The following SEMA3C variants were observed in gnomAD, a reference collection of about 807,000 sequenced individuals.
SEMA3C encodes semaphorin-3C.
SEMA3C carries 47 observed loss-of-function variants against 89.4 expected under a neutral mutation model. That is an observed-to-expected ratio of 0.53 (90% CI 0.42 to 0.67). The LOEUF (loss-of-function observed/expected upper bound fraction) is 0.67. Among genes scored for constraint, SEMA3C ranks in the 30% least tolerant of loss-of-function variants. SEMA3C has a pLI of 0.00. For missense variants in SEMA3C, 839 were observed against 929.1 expected (o/e 0.90, Z 1.26); for synonymous variants, 310 against 320.2 (o/e 0.97, Z 0.34).
At chr7:80,849,397 G>T (rs1313160212) in intron 2 of SEMA3C, among the ~76,000 whole-genome samples, 1 of 150,954 alleles carries the variant, frequency 6.6e-6, no homozygotes, top group Admixed American at 6.6e-5. Flanking sequence ...TTCCTTAATT[G>T]TAAATCCTTA....
At chr7:80,888,197 G>A (rs1791527666) in intron 2 of SEMA3C, among the ~76,000 whole-genome samples, 1 of 151,700 alleles carries the variant, frequency 6.6e-6, no homozygotes, top group Admixed American at 6.6e-5. Context: ...AGGATCCCTT[G>A]AGCTCAGGAG....
chr7:80,745,282 G>A lies in SEMA3C; in HGVS notation c.1868C>T (p.Ala623Val). 1 of 1,613,634 alleles carries A rather than the reference G, an allele frequency of 6.2e-7. No individual in the cohort carries two copies. Among genetic ancestry groups the A allele is most frequent in the Non-Finnish European group, 8.5e-7 (1 of 1,179,896 alleles). Reference sequence around the variant, plus strand: ...GCGGATCAGGAGTCCCTGTGAAGTGGCTATTATTCGTTCATTCAGCTTAAC... The same window carrying A: ...GCGGATCAGGAGTCCCTGTGAAGTGACTATTATTCGTTCATTCAGCTTAAC... ...KEVKLNERII[A>V]TSQGLLIRSV... Residue 623 changes from alanine to valine, a missense_variant, in exon 18 of 18, where the codon GCC (alanine) becomes GTC (valine). Ala to Val is a moderately conservative substitution (Grantham distance 64). Coordinates refer to ENST00000265361, the MANE Select transcript of SEMA3C (RefSeq NM_006379.5).
intron 2 of SEMA3C, among the ~76,000 whole-genome samples, chr7:80,887,488 C>T (rs1025547481): frequency 2.0e-5 from 3 of 152,102 alleles, no homozygotes; most frequent in Admixed American, 6.6e-5. Flanking sequence ...ATTCAAATCC[C>T]TGACCCAAGA....
intron 2 of SEMA3C, among the ~76,000 whole-genome samples, chr7:80,872,581 A>G (rs1449812665): frequency 6.6e-6 from 1 of 151,964 alleles, no homozygotes; most frequent in Non-Finnish European, 1.5e-5. Context: ...AGGGGGGCGG[A>G]TCATGAGGTC....
intron 2 of SEMA3C, among the ~76,000 whole-genome samples, chr7:80,850,331 A>G (rs1790482422): frequency 6.6e-6 from 1 of 152,208 alleles, no homozygotes; most frequent in Admixed American, 6.5e-5. Flanking sequence ...AAATGTTAAC[A>G]GCAGTCTTAT....
intron 2 of SEMA3C, among the ~76,000 whole-genome samples, chr7:80,901,554 CTACAT>C (rs1392737906): frequency 6.6e-6 from 1 of 152,226 alleles, no homozygotes; most frequent in East Asian, 1.9e-4. Flanking sequence ...TAGAAGCACA[CTACAT>C]TTAATCACTT....
At chr7:80,811,197 G>A (rs1233030297) in intron 5 of SEMA3C, among the ~76,000 whole-genome samples, 5 of 152,028 alleles carry the variant, frequency 3.3e-5, no homozygotes, top group African/African-American at 1.2e-4. Flanking sequence ...TTTAAAATGT[G>A]TCATTTACTC....
At chr7:80,902,935 TAAG>T (rs1003641838) in intron 2 of SEMA3C, among the ~76,000 whole-genome samples, 1 of 152,186 alleles carries the variant, frequency 6.6e-6, no homozygotes, top group African/African-American at 2.4e-5. Flanking sequence ...GATTATGTGC[TAAG>T]AAGAACGGTA....
chr7:80,900,270 C>T (rs560076824), intron 2 of SEMA3C, among the ~76,000 whole-genome samples: 7 of 152,134 alleles, frequency 4.6e-5, no homozygotes, highest in African/African-American at 1.4e-4. Context: ...CCCGCCACCA[C>T]GCCTGGCTAA....
At chr7:80,898,929 T>C (rs1477203901) in intron 2 of SEMA3C, among the ~76,000 whole-genome samples, 1 of 152,152 alleles carries the variant, frequency 6.6e-6, no homozygotes, top group Non-Finnish European at 1.5e-5. Flanking sequence ...AGGTGATTTG[T>C]AGCTTCATAC....
At chr7:80,745,362 T>A (rs1787777270) in intron 17 of SEMA3C, 55 bp from the exon 18 acceptor site, 1 of 1,508,386 alleles carries the variant, frequency 6.6e-7, no homozygotes, top group Non-Finnish European at 9.1e-7. Flanking sequence ...TTCCTTAGAT[T>A]ATGACCAACA....
intron 5 of SEMA3C, among the ~76,000 whole-genome samples, chr7:80,813,222 A>G (rs563387456): frequency 1.6e-3 from 247 of 152,270 alleles, no homozygotes; most frequent in South Asian, 0.013. Context: ...GAATACATCT[A>G]TCTACATTCT....
intron 2 of SEMA3C, among the ~76,000 whole-genome samples, chr7:80,913,373 C>G (rs567000125): frequency 6.6e-6 from 1 of 152,188 alleles, no homozygotes; most frequent in African/African-American, 2.4e-5. Context: ...TGCACTCCAG[C>G]CTGGGAGGCA....
In SEMA3C at chr7:80,863,832, G is replaced by GAT. The variant is rs201166330; in HGVS notation, c.104-35089_104-35088dup. Among the ~76,000 whole-genome samples, 295 of 100,630 alleles carry GAT rather than the reference G, an allele frequency of 2.9e-3. 2 individuals are homozygous for GAT. In the East Asian group the frequency reaches 0.039, roughly 13 times the overall value. The allele number at this position is 100,630 out of a possible 152,430, so 66.0% of individuals were successfully genotyped here. On this transcript the variant is annotated intron_variant, in intron 2 of 17. Transcript: ENST00000265361. ...TGTGATACATATATATGTGATATGT[G>GAT]ATATATATATCACATATCACATACA...
At position 80,768,309 on chromosome 7, in the gene SEMA3C, C is replaced by G. The variant is rs562625021; in HGVS notation, c.1355-3066G>C. 3.9e-5 allele frequency among the ~76,000 whole-genome samples: 6 copies of G among 152,082 alleles called. No homozygotes were observed. In the East Asian group the frequency reaches 1.2e-3, roughly 30 times the overall value. ...TGGGCGGATCACGAGGTCAGGAGAT[C>G]GAGACCATCCTGGCTAACACAGTGA... is the stretch of plus-strand genomic sequence containing the variant. On this transcript the variant is annotated intron_variant, in intron 12 of 17. Coordinates refer to ENST00000265361, the MANE Select transcript of SEMA3C (RefSeq NM_006379.5).
chr7:80,808,761 A>G (rs928047279), intron 6 of SEMA3C, among the ~76,000 whole-genome samples: 6 of 152,118 alleles, frequency 3.9e-5, no homozygotes, highest in Admixed American at 2.0e-4. Flanking sequence ...AAAATCCAAC[A>G]TTTGTTACTT....
chr7:80,818,474 A>C, intron 4 of SEMA3C, 56 bp from the exon 5 acceptor site: 1 of 1,571,750 alleles, frequency 6.4e-7, no homozygotes, highest in East Asian at 2.3e-5. Flanking sequence ...TTGTTATTTC[A>C]GTTAGCTATG....
At chr7:80,789,097 T>A (rs1164870786) in intron 12 of SEMA3C, among the ~76,000 whole-genome samples, 2 of 152,158 alleles carry the variant, frequency 1.3e-5, no homozygotes, top group African/African-American at 4.8e-5. Context: ...TCTATATATA[T>A]TCCTCACAAG....
At chr7:80,764,958 TTGAAA>T (rs1788263528) in intron 13 of SEMA3C, among the ~76,000 whole-genome samples, 192 bp downstream of exon 13, 1 of 152,216 alleles carries the variant, frequency 6.6e-6, no homozygotes, top group African/African-American at 2.4e-5. Flanking sequence ...TTAAGATAAC[TTGAAA>T]TGTAGGAAAA....
Sources: gnomAD v4.1 joint callset for allele counts (sites outside exome capture counted in the v4.1 genomes callset) on GRCh38, gnomAD v4.1.1 for gene constraint, MANE v1.5 for transcripts, NCBI Gene and HGNC (gene_info 2026-07-23, HGNC 2026-07-21) for gene names.